CRNKL1: variants seen among roughly 807,000 people sequenced by gnomAD.
CRNKL1 encodes crooked neck pre-mRNA splicing factor 1.
A neutral mutation model predicts 103.7 loss-of-function variants in CRNKL1; 35 were observed. That is an observed-to-expected ratio of 0.34 (90% CI 0.26 to 0.45). The LOEUF is 0.45. CRNKL1 is among the 20% of genes least tolerant of loss of function. CRNKL1 has a pLI of 1.00. For missense variants in CRNKL1, 645 were observed against 836.0 expected, an observed-to-expected ratio of 0.77 and a Z score of 2.82; for synonymous variants, 267 against 282.6, an observed-to-expected ratio of 0.94 and a Z score of 0.55.
chr20:20,034,657 C>G lies in CRNKL1; in HGVS notation c.*1538G>C, dbSNP rs969688457. ...CAAAGGCTATTAAGATGATGTTCTC[C>G]TGCTCACTCACTAGGCAGACCTCTA... On this transcript the variant is annotated 3_prime_UTR_variant, in exon 14 of 14. Coordinates refer to ENST00000536226, the MANE Select transcript of CRNKL1 (RefSeq NM_001278628.2). The G allele has an allele frequency of 6.6e-6, 1 of 152,222 alleles. No homozygotes were observed. The highest frequency in any genetic ancestry group is 2.4e-5 in the African/African-American group (1 of 41,462). The allele number at this position is 152,222 out of a possible 1,614,324, so 9.4% of individuals were successfully genotyped here. A position where few individuals can be genotyped will look rare whatever the true frequency, so the allele number is the denominator to read the frequency against.
chr20:20,042,292 A>G, intron 8 of CRNKL1, 33 bp downstream of exon 8: 1 of 1,542,802 alleles, frequency 6.5e-7, no homozygotes, highest in South Asian at 1.2e-5. Context: ...ACAGGAAACC[A>G]TTATCAGCTG....
intron 3 of CRNKL1, among the ~76,000 whole-genome samples, 196 bp downstream of exon 3, chr20:20,049,144 C>G (rs1246591170): frequency 6.6e-6 from 1 of 151,240 alleles, no homozygotes; most frequent in Admixed American, 6.6e-5. Flanking sequence ...GCCTCTTCTG[C>G]CACCCTCCCC....
chr20:20,047,903 A>C lies in CRNKL1; in HGVS notation c.484T>G (p.Leu162Val), dbSNP rs566290781. The change falls in exon 5 of 14, where the codon TTG (leucine) becomes GTG (valine). Residue 162 changes from leucine (L) to valine (V), a missense_variant. Around this residue, in one of 2 missense-constraint regions of CRNKL1, gnomAD observed 582 missense variants for 707.7 expected, o/e 0.82. Coordinates refer to ENST00000536226, the MANE Select transcript of CRNKL1 (RefSeq NM_001278628.2). Reference sequence around the variant, plus strand: ...TGCCGGGCACCGGCAACGTTTCCCAACATTTCCTCCATGTACGTGTACTTG... The same window carrying C: ...TGCCGGGCACCGGCAACGTTTCCCACCATTTCCTCCATGTACGTGTACTTG... ...WYKYTYMEEM[L>V]GNVAGARQVF... 1 of 1,614,240 alleles carries C rather than the reference A, an allele frequency of 6.2e-7. No homozygotes were observed. The highest frequency in any genetic ancestry group is 1.3e-5 in the African/African-American group (1 of 75,084).
At chr20:20,040,952 C>T (rs2043502893) in intron 9 of CRNKL1, among the ~76,000 whole-genome samples, 186 bp from the exon 10 acceptor site, 1 of 152,206 alleles carries the variant, frequency 6.6e-6, no homozygotes, top group Non-Finnish European at 1.5e-5. Context: ...TAGAAACCCA[C>T]ATACCATGAT....
At chr20:20,052,687 A>C, upstream of CRNKL1, 1 of 1,612,976 alleles carries the variant, frequency 6.2e-7, no homozygotes, top group Non-Finnish European at 8.5e-7. Context: ...TGGGATGACC[A>C]GGCGAGGACG....
Position 20,045,441 on chromosome 20 carries a change from C to G in CRNKL1, c.668G>C (p.Arg223Pro). The G allele has an allele frequency of 6.2e-7, 1 of 1,612,578 alleles. No individual in the cohort carries two copies. The highest frequency in any genetic ancestry group is 1.1e-5 in the South Asian group (1 of 90,930). ...PDVKNWIKYA[R>P]FEEKHAYFAH... ...AAAATAAGCATGTTTTTCTTCAAAG[C>G]GGGCATACTTGATCCAGTTCTTAAC... The change falls in exon 6 of 14, where the codon CGC (arginine) becomes CCC (proline). Residue 223 changes from arginine (R) to proline (P), a missense_variant. Around this residue, in one of 2 missense-constraint regions of CRNKL1, gnomAD observed 582 missense variants for 707.7 expected, o/e 0.82. Coordinates refer to ENST00000536226, the MANE Select transcript of CRNKL1 (RefSeq NM_001278628.2).
chr20:20,050,030 T>C (rs972104725), intron 2 of CRNKL1, among the ~76,000 whole-genome samples: 5 of 152,206 alleles, frequency 3.3e-5, no homozygotes, highest in African/African-American at 1.2e-4. Flanking sequence ...TTGGCTAGGC[T>C]GGTCTCAAAC....
chr20:20,035,338 G>A lies in CRNKL1; in HGVS notation c.*857C>T, dbSNP rs2043402973. The A allele has an allele frequency of 6.6e-6, 1 of 152,188 alleles. No individual in the cohort carries two copies. Among genetic ancestry groups the A allele is most frequent in the African/African-American group, 2.4e-5 (1 of 41,446 alleles). The allele number at this position is 152,188 out of a possible 1,614,324, so 9.4% of individuals were successfully genotyped here. A position where few individuals can be genotyped will look rare whatever the true frequency, so the allele number is the denominator to read the frequency against. On this transcript the variant is annotated 3_prime_UTR_variant, in exon 14 of 14. Coordinates refer to ENST00000536226, the MANE Select transcript of CRNKL1 (RefSeq NM_001278628.2). ...AAGAGATTTGATTAACGAGACTTAA[G>A]TCTTAGTCCAGAATTTCCCAAATTT...
intron 13 of CRNKL1, 44 bp from the exon 14 acceptor site, chr20:20,036,406 T>G: frequency 8.3e-6 from 13 of 1,575,352 alleles, no homozygotes; most frequent in Non-Finnish European, 1.1e-5. Context: ...GTGGGTGATA[T>G]ACTCACATAT....
chr20:20,038,793 C>A (rs1298936753), intron 11 of CRNKL1, among the ~76,000 whole-genome samples: 1 of 152,200 alleles, frequency 6.6e-6, no homozygotes, highest in Non-Finnish European at 1.5e-5. Context: ...AGAGAGAAAA[C>A]AGGCCCAGGT....
chr20:20,055,860 A>G (rs546746247), upstream of CRNKL1: 3 of 1,028,192 alleles, frequency 2.9e-6, no homozygotes, highest in Non-Finnish European at 4.5e-6. Flanking sequence ...GGCTTTCCCT[A>G]TGAAGGAAAG....
chr20:20,047,637 TA>T, intron 5 of CRNKL1, 127 bp downstream of exon 5: 1 of 875,384 alleles, frequency 1.1e-6, no homozygotes, highest in Non-Finnish European at 1.6e-6. Flanking sequence ...GGGAAGCTGA[TA>T]AACTGGCATT....
At chr20:20,050,403 G>T (rs2043669587) in intron 2 of CRNKL1, 67 bp downstream of exon 2, 6 of 1,424,726 alleles carry the variant, frequency 4.2e-6, no homozygotes, top group Non-Finnish European at 3.8e-6. Flanking sequence ...CAACCAATGA[G>T]GAGCTTTTCA....
At chr20:20,050,008 G>A (rs1422823738) in intron 2 of CRNKL1, among the ~76,000 whole-genome samples, 2 of 152,192 alleles carry the variant, frequency 1.3e-5, no homozygotes, top group East Asian at 1.9e-4. Flanking sequence ...GTAGAGATGG[G>A]GTTTCACCAT....
Position 20,047,879 on chromosome 20 carries a change from G to A in CRNKL1, c.508C>T (p.Gln170Ter), listed in dbSNP as rs779733109. The A allele has an allele frequency of 6.2e-7, 1 of 1,614,112 alleles. No individual in the cohort carries two copies. Among genetic ancestry groups the A allele is most frequent in the Non-Finnish European group, 8.5e-7 (1 of 1,180,050 alleles). The change falls in exon 5 of 14, where the codon CAG becomes TAG. Residue 170 changes from glutamine (Q) to a stop codon, truncating the protein, a stop_gained. Transcript: ENST00000536226. LOFTEE classifies it high-confidence loss of function. ...CACTCCATCCAGCGCTCAAACACCTGCCGGGCACCGGCAACGTTTCCCAAC... is the reference window on the plus strand; with the variant it reads ...CACTCCATCCAGCGCTCAAACACCTACCGGGCACCGGCAACGTTTCCCAAC... ...EMLGNVAGAR[Q>*]VFERWMEWQP... is the part of the protein sequence containing the mutation.
chr20:20,047,489 C>G (rs1458009255), intron 5 of CRNKL1, among the ~76,000 whole-genome samples: 2 of 152,022 alleles, frequency 1.3e-5, no homozygotes, highest in African/African-American at 4.8e-5. Flanking sequence ...GGAAACAATC[C>G]CCCAGGAATA....
upstream of CRNKL1, among the ~76,000 whole-genome samples, chr20:20,055,623 C>A (rs1465544638): frequency 1.3e-5 from 2 of 152,166 alleles, no homozygotes; most frequent in Non-Finnish European, 2.9e-5. Context: ...AGTCAGTTAT[C>A]TAATTAATTA....
At chr20:20,050,115 C>T (rs1484174077) in intron 2 of CRNKL1, among the ~76,000 whole-genome samples, 1 of 152,240 alleles carries the variant, frequency 6.6e-6, no homozygotes, top group Non-Finnish European at 1.5e-5. Flanking sequence ...CTGTGCCCAG[C>T]CAGATCTCAA....
chr20:20,037,520 A>G lies in CRNKL1; in HGVS notation c.1699T>C (p.Leu567=). ...TCATAAATTTGTCTGCATTTAGTCA[A>G]ACTTCCTTCTTTTCCTGAAGACAAC... ...FELSSGKEGS[L]TKCRQIYEEA... The change falls in exon 13 of 14, where the codon TTG becomes CTG. Residue 567 remains leucine (L), a synonymous_variant. Transcript: ENST00000536226. 1 of 1,614,146 alleles carries G rather than the reference A, an allele frequency of 6.2e-7. No homozygotes were observed. Among genetic ancestry groups the G allele is most frequent in the Non-Finnish European group, 8.5e-7 (1 of 1,180,028 alleles).
Sources: gnomAD v4.1 joint callset for allele counts (sites outside exome capture counted in the v4.1 genomes callset) on GRCh38, gnomAD v4.1.1 for gene constraint, gnomAD v4.1.1 regional missense constraint, MANE v1.5 for transcripts, NCBI Gene and HGNC (gene_info 2026-07-23, HGNC 2026-07-21) for gene names.